RIMBP2: variants seen among roughly 807,000 people sequenced by gnomAD.
RIMBP2 encodes RIMS-binding protein 2.
RIMBP2 carries 48 observed loss-of-function variants against 118.6 expected under a neutral mutation model. The observed-to-expected ratio is 0.40, with a 90% CI of 0.32 to 0.51. The LOEUF is 0.51. Ranked by LOEUF, RIMBP2 falls within the 20% of genes least tolerant of loss-of-function variation. RIMBP2 has a pLI of 0.41. For synonymous variants in RIMBP2, 762 were observed against 742.9 expected, an observed-to-expected ratio of 1.03 and a Z score of -0.42; for missense variants, 1,551 against 1,768.3, an observed-to-expected ratio of 0.88 and a Z score of 2.20.
At chr12:130,649,311 G>A (rs990433004) in intron 1 of RIMBP2, among the ~76,000 whole-genome samples, 8 of 109,468 alleles carry the variant, frequency 7.3e-5, no homozygotes, top group East Asian at 2.1e-4. Flanking sequence ...GCTCCCGGCC[G>A]GAGGCCGCTC....
chr12:130,567,252 G>A (rs2139995405), intron 2 of RIMBP2, among the ~76,000 whole-genome samples: 2 of 152,296 alleles, frequency 1.3e-5, no homozygotes, highest in Middle Eastern at 3.4e-3. Context: ...TAAAGACACA[G>A]AACATGTTTG....
At chr12:130,612,818 G>A (rs2060641485) in intron 2 of RIMBP2, among the ~76,000 whole-genome samples, 1 of 152,116 alleles carries the variant, frequency 6.6e-6, no homozygotes. Flanking sequence ...GTGAAGCAAG[G>A]TACACAGCCT....
chr12:130,568,525 G>A (rs1214938514), intron 2 of RIMBP2, among the ~76,000 whole-genome samples: 1 of 152,184 alleles, frequency 6.6e-6, no homozygotes. Flanking sequence ...CTAATTTCGG[G>A]TTGACAATGA....
intron 2 of RIMBP2, among the ~76,000 whole-genome samples, chr12:130,563,911 A>G (rs2057004895): frequency 6.6e-6 from 1 of 152,060 alleles, no homozygotes; most frequent in Non-Finnish European, 1.5e-5. Context: ...AAACCTTCCT[A>G]CACCTGCTGG....
chr12:130,579,750 A>G (rs2058335530), intron 2 of RIMBP2, among the ~76,000 whole-genome samples: 1 of 151,938 alleles, frequency 6.6e-6, no homozygotes, highest in Non-Finnish European at 1.5e-5. Context: ...TAAATACTAG[A>G]TGAGTGGACC....
intron 1 of RIMBP2, among the ~76,000 whole-genome samples, chr12:130,686,398 C>T (rs1178149472): frequency 1.3e-5 from 2 of 152,248 alleles, no homozygotes; most frequent in Non-Finnish European, 2.9e-5. Flanking sequence ...GAAAGCGCAG[C>T]AGCACTGAGA....
At chr12:130,562,716 G>C (rs1041486503) in intron 2 of RIMBP2, among the ~76,000 whole-genome samples, 1 of 152,218 alleles carries the variant, frequency 6.6e-6, no homozygotes, top group Non-Finnish European at 1.5e-5. Flanking sequence ...TGGGGCCTTG[G>C]AAAAGGAGTG....
At chr12:130,591,589 G>T (rs910802615) in intron 2 of RIMBP2, among the ~76,000 whole-genome samples, 1 of 152,138 alleles carries the variant, frequency 6.6e-6, no homozygotes, top group African/African-American at 2.4e-5. Flanking sequence ...AGGGGCGGGG[G>T]GGCTCCTTCC....
rs777693917 is a variant in RIMBP2, at chr12:130,441,814, C to T, written c.1504+34G>A. On this transcript the variant is annotated intron_variant, in intron 11 of 22. Transcript: ENST00000690449. Reference sequence around the variant, plus strand: ...GCAGGGTGACATCCTGGCGTTCTCTCCCTGGGGGACCCACGGAAGGACACA... The same window carrying T: ...GCAGGGTGACATCCTGGCGTTCTCTTCCTGGGGGACCCACGGAAGGACACA... 8 of 1,591,458 alleles carry T rather than the reference C, an allele frequency of 5.0e-6. No homozygotes were observed. The East Asian group carries it at 1.3e-4, about 27-fold the overall frequency.
At position 130,447,636 on chromosome 12, in the gene RIMBP2, T is replaced by G. The variant is rs571358837; in HGVS notation, c.582-2367A>C. ...GCATCTGTGAGCACAGCAGTGGCCC[T>G]GGGCGGCACACTGCAAGTGGGTGAA... On this transcript the variant is annotated intron_variant, in intron 9 of 22. Coordinates refer to ENST00000690449, the MANE Select transcript of RIMBP2 (RefSeq NM_001393629.1). This position sits in a 1 kb window ranked among gnomAD's most constrained non-coding sequence, Gnocchi z 4.4. Among the ~76,000 whole-genome samples, 104 of 152,266 alleles carry G rather than the reference T, an allele frequency of 6.8e-4. No individual in the cohort carries two copies. Among genetic ancestry groups the G allele is most frequent in the Non-Finnish European group, 1.2e-3 (79 of 68,012 alleles).
intron 21 of RIMBP2, among the ~76,000 whole-genome samples, chr12:130,405,209 A>G (rs1479438360): frequency 6.6e-6 from 1 of 152,082 alleles, no homozygotes; most frequent in Non-Finnish European, 1.5e-5. Context: ...AAACACACAC[A>G]CACAAAGTTA....
At chr12:130,632,160 G>A (rs908623530) in intron 1 of RIMBP2, among the ~76,000 whole-genome samples, 5 of 152,206 alleles carry the variant, frequency 3.3e-5, no homozygotes, top group African/African-American at 1.2e-4. Flanking sequence ...GATCAGATGG[G>A]CTGGATGCAA....
At chr12:130,440,310 C>T (rs752694019) in intron 11 of RIMBP2, among the ~76,000 whole-genome samples, 1 of 152,108 alleles carries the variant, frequency 6.6e-6, no homozygotes, top group East Asian at 1.9e-4. Context: ...GGGGATGATA[C>T]ATGGGGTGTG....
chr12:130,622,714 A>G lies in RIMBP2; in HGVS notation c.-217+5608T>C, dbSNP rs933889458. 1.1e-4 allele frequency among the ~76,000 whole-genome samples: 17 copies of G among 152,136 alleles called. No individual in the cohort carries two copies. The highest frequency in any genetic ancestry group is 4.1e-4 in the African/African-American group (17 of 41,426). ...TAGGGTTTGTTGATTGTTTTTGTCTATTTTATTGCCTGTACAACACTCTTG... is the reference window on the plus strand; with the variant it reads ...TAGGGTTTGTTGATTGTTTTTGTCTGTTTTATTGCCTGTACAACACTCTTG... On this transcript the variant is annotated intron_variant, in intron 2 of 22. Transcript: ENST00000690449. This position sits in a 1 kb window ranked among gnomAD's most constrained non-coding sequence, Gnocchi z 8.5.
rs574889832 is a variant in RIMBP2, at chr12:130,634,774, A to T, written c.-351-6318T>A. Reference sequence around the variant, plus strand: ...GCCTGGCTAATGAAAAAATATATATATTTTTGTAGAGATGGGATCTCACTA... The same window carrying T: ...GCCTGGCTAATGAAAAAATATATATTTTTTTGTAGAGATGGGATCTCACTA... On this transcript the variant is annotated intron_variant, in intron 1 of 22. Coordinates refer to ENST00000690449, the MANE Select transcript of RIMBP2 (RefSeq NM_001393629.1). 8.6e-5 allele frequency among the ~76,000 whole-genome samples: 13 copies of T among 152,010 alleles called. No homozygotes were observed. The East Asian group carries it at 1.5e-3, about 18-fold the overall frequency.
chr12:130,673,238 C>T (rs35708847), intron 1 of RIMBP2, among the ~76,000 whole-genome samples: 35,413 of 152,236 alleles, frequency 0.23, 4,342 homozygotes, highest in East Asian at 0.31. Flanking sequence ...CCGGACAACT[C>T]AACTCGCGGG....
chr12:130,682,667 C>T (rs560772465), intron 1 of RIMBP2, among the ~76,000 whole-genome samples: 22 of 152,330 alleles, frequency 1.4e-4, no homozygotes, highest in Admixed American at 9.1e-4. Flanking sequence ...GGTGGGCAGA[C>T]GATCGATTTC....
At chr12:130,580,028 C>CCA in intron 2 of RIMBP2, among the ~76,000 whole-genome samples, 1 of 116,498 alleles carries the variant, frequency 8.6e-6, no homozygotes, top group East Asian at 2.5e-4. Context: ...ACCAAAAATA[C>CCA]AAAAAAAAAA....
chr12:130,676,732 G>A (rs1393926495), intron 1 of RIMBP2, among the ~76,000 whole-genome samples: 1 of 152,186 alleles, frequency 6.6e-6, no homozygotes, highest in Non-Finnish European at 1.5e-5. Flanking sequence ...CCAAATCATG[G>A]ATGAGTCTCA....
Sources: gnomAD v4.1 joint callset for allele counts (sites outside exome capture counted in the v4.1 genomes callset) on GRCh38, gnomAD v4.1.1 for gene constraint, Gnocchi (gnomAD v3.1) non-coding constraint, MANE v1.5 for transcripts, NCBI Gene and HGNC (gene_info 2026-07-23, HGNC 2026-07-21) for gene names.